The following AARSD1 variants were observed in gnomAD, a reference collection of about 807,000 sequenced individuals.
AARSD1 encodes the protein alanyl-tRNA synthetase domain containing 1, also known as alanyl-tRNA editing protein Aarsd1.
In AARSD1, 44 loss-of-function variants were observed where a neutral mutation model predicts 48.7. That is an observed-to-expected ratio of 0.90 (90% CI 0.71 to 1.16). AARSD1 has a LOEUF of 1.16. AARSD1 is among the 50% of genes most tolerant of loss of function. The pLI, the probability that AARSD1 is intolerant of heterozygous loss-of-function variation, is 0.00. For missense variants in AARSD1, 511 were observed against 523.1 expected, an observed-to-expected ratio of 0.98 and a Z score of 0.23; for synonymous variants, 189 against 194.9, an observed-to-expected ratio of 0.97 and a Z score of 0.25.
intron 3 of AARSD1, 79 bp from the exon 4 acceptor site, chr17:42,957,274 A>G: frequency 1.3e-6 from 2 of 1,570,846 alleles, no homozygotes. Flanking sequence ...AGCTACAATG[A>G]TAAAAGCACA....
intron 2 of AARSD1, among the ~76,000 whole-genome samples, chr17:42,963,871 C>G (rs574568055): frequency 2.6e-5 from 4 of 152,102 alleles, no homozygotes; most frequent in Non-Finnish European, 4.4e-5. Flanking sequence ...ATAAACATTC[C>G]ACGTATATAA....
At chr17:42,953,924 GAAAGC>G in intron 9 of AARSD1, 146 bp from the exon 10 acceptor site, 1 of 995,540 alleles carries the variant, frequency 1.0e-6, no homozygotes. Context: ...AGTACTGGCT[GAAAGC>G]CAGCAAGCTG....
chr17:42,951,879 AGAACAG>A lies in AARSD1; in HGVS notation c.1018_1023del (p.Phe341_Leu342del). ...CCACCTTTCTCATCGCCCACAGTTA[AGAACAG>A]GAGGGTCTCCTAGGAGGTAAGACAA... is the stretch of plus-strand genomic sequence containing the variant. On this transcript the variant is annotated inframe_deletion, in exon 11 of 12. Coordinates refer to ENST00000427569, the MANE Select transcript of AARSD1 (RefSeq NM_001261434.2). The A allele has an allele frequency of 1.9e-6, 3 of 1,614,098 alleles. No homozygotes were observed. The African/African-American group carries it at 4.0e-5, about 22-fold the overall frequency.
chr17:42,959,079 C>T (rs1383150256), intron 3 of AARSD1, among the ~76,000 whole-genome samples: 1 of 146,272 alleles, frequency 6.8e-6, no homozygotes, highest in African/African-American at 2.5e-5. Context: ...TGCCCGTAAT[C>T]CCAGCTACTC....
Position 42,964,204 on chromosome 17 carries a change from C to T in AARSD1, c.73G>A (p.Glu25Lys), listed in dbSNP as rs759107155. 2 of 1,614,208 alleles carry T rather than the reference C, an allele frequency of 1.2e-6. No homozygotes were observed. Among genetic ancestry groups the T allele is most frequent in the Non-Finnish European group, 1.7e-6 (2 of 1,180,042 alleles). Residue 25 changes from glutamate to lysine, a missense_variant, in exon 2 of 12, where the codon GAG becomes AAG. By Grantham distance (56) the Glu-to-Lys change is moderately conservative. Coordinates refer to ENST00000427569, the MANE Select transcript of AARSD1 (RefSeq NM_001261434.2). ...TTTVVSCCPA[E>K]LQTEGSNGKK... Reference sequence around the variant, plus strand: ...CCGTTGCTCCCTTCAGTCTGCAGCTCCGCGGGACAGCAGGAGACCACGGTG... The same window carrying T: ...CCGTTGCTCCCTTCAGTCTGCAGCTTCGCGGGACAGCAGGAGACCACGGTG...
chr17:42,955,374 G>A (rs2049534059), intron 7 of AARSD1, 150 bp from the exon 8 acceptor site: 1 of 789,620 alleles, frequency 1.3e-6, no homozygotes, highest in Non-Finnish European at 1.9e-6. Flanking sequence ...GCAACTGGGA[G>A]AAAACATACA....
At chr17:42,958,676 T>G (rs1267339898) in intron 3 of AARSD1, among the ~76,000 whole-genome samples, 1 of 150,150 alleles carries the variant, frequency 6.7e-6, no homozygotes. Context: ...GTTCAAGCGA[T>G]TCTCCTGCCT....
chr17:42,951,744 T>G, intron 11 of AARSD1, 56 bp downstream of exon 11: 2 of 1,576,066 alleles, frequency 1.3e-6, no homozygotes, highest in South Asian at 2.2e-5. Context: ...AGTAAAGGAA[T>G]GTATTTGTAG....
In AARSD1 at chr17:42,956,245, T is replaced by G. The variant is rs1382990985; in HGVS notation, c.622A>C (p.Met208Leu). 3.7e-6 allele frequency: 6 copies of G among 1,614,136 alleles called. No individual in the cohort carries two copies. Among genetic ancestry groups the G allele is most frequent in the Non-Finnish European group, 4.2e-6 (5 of 1,180,034 alleles). The change falls in exon 6 of 12, where the codon ATG becomes CTG. Residue 208 changes from methionine to leucine, a missense_variant. Coordinates refer to ENST00000427569, the MANE Select transcript of AARSD1 (RefSeq NM_001261434.2). ...VVNIEGVDSN[M>L]CCGTHVSNLS... is the part of the protein sequence containing the mutation. Reference sequence around the variant, plus strand: ...TTGCTCACATGGGTCCCACAGCACATGTTGGAATCAACGCCCTCGATGTTA... The same window carrying G: ...TTGCTCACATGGGTCCCACAGCACAGGTTGGAATCAACGCCCTCGATGTTA...
Position 42,950,684 on chromosome 17 carries a change from C to T in AARSD1, c.1148G>A (p.Arg383His), listed in dbSNP as rs748881742. The T allele has an allele frequency of 5.0e-5, 80 of 1,613,834 alleles. No individual in the cohort carries two copies. The highest frequency in any genetic ancestry group is 2.2e-4 in the Admixed American group (13 of 59,956). Reference sequence around the variant, plus strand: ...CATCTTGGTGGCCTTGCCCTGAAAACGGCCTTTCTTCCCTGCTCCTTTGCC... The same window carrying T: ...CATCTTGGTGGCCTTGCCCTGAAAATGGCCTTTCTTCCCTGCTCCTTTGCC... The part of the protein sequence containing the change: ...LEGKGAGKKG[R>H]FQGKATKMSR... Residue 383 changes from arginine (R) to histidine (H), a missense_variant, in exon 12 of 12, where the codon CGT becomes CAT. Physicochemically the swap from Arg to His is conservative, Grantham distance 29. Coordinates refer to ENST00000427569, the MANE Select transcript of AARSD1 (RefSeq NM_001261434.2).
chr17:42,951,844 G>A lies in AARSD1; in HGVS notation c.1059C>T (p.Phe353=), dbSNP rs1211406697. 6.2e-7 allele frequency: 1 copy of A among 1,614,052 alleles called. No individual in the cohort carries two copies. Among genetic ancestry groups the A allele is most frequent in the Non-Finnish European group, 8.5e-7 (1 of 1,180,022 alleles). Residue 353 remains phenylalanine, a synonymous_variant, in exon 11 of 12, where the codon TTC becomes TTT. Coordinates refer to ENST00000427569, the MANE Select transcript of AARSD1 (RefSeq NM_001261434.2). Reference sequence around the variant, plus strand: ...CAGACGCAGGTGGCCCTGCCAGTAAGAAGAGTCCACCACCTTTCTCATCGC... The same window carrying A: ...CAGACGCAGGTGGCCCTGCCAGTAAAAAGAGTCCACCACCTTTCTCATCGC... ...TVGDEKGGGL[F]LLAGPPASVE...
Position 42,963,982 on chromosome 17 carries a change from T to C in AARSD1, c.171+124A>G, listed in dbSNP as rs2049675207. The C allele has an allele frequency of 2.0e-6, 3 of 1,493,422 alleles. No homozygotes were observed. The East Asian group carries it at 6.8e-5, about 34-fold the overall frequency. 92.5% of individuals were successfully genotyped at this position (1,493,422 alleles called of 1,614,324 possible). A position where few individuals can be genotyped will look rare whatever the true frequency, so the allele number is the denominator to read the frequency against. ...TGCTGATAAATACTCATTAAATGAATAACAAAATGAATTAAACTAAAGCTC... is the reference window on the plus strand; with the variant it reads ...TGCTGATAAATACTCATTAAATGAACAACAAAATGAATTAAACTAAAGCTC... On this transcript the variant is annotated intron_variant, in intron 2 of 11. Coordinates refer to ENST00000427569, the MANE Select transcript of AARSD1 (RefSeq NM_001261434.2).
At chr17:42,960,392 C>T (rs2049618296) in intron 3 of AARSD1, among the ~76,000 whole-genome samples, 1 of 151,946 alleles carries the variant, frequency 6.6e-6, no homozygotes, top group Admixed American at 6.6e-5. Context: ...GGAGCTGGGA[C>T]TAGGATGACA....
chr17:42,954,407 A>G (rs2049519247), intron 9 of AARSD1, among the ~76,000 whole-genome samples: 1 of 151,876 alleles, frequency 6.6e-6, no homozygotes, highest in Non-Finnish European at 1.5e-5. Flanking sequence ...TATCAAACCC[A>G]GGAGGCCTGG....
chr17:42,964,213 A>G lies in AARSD1; in HGVS notation c.64T>C (p.Cys22Arg). The change falls in exon 2 of 12, where the codon TGT (cysteine) becomes CGT (arginine). Residue 22 changes from cysteine to arginine, a missense_variant. Transcript: ENST00000427569. ...CCTTCAGTCTGCAGCTCCGCGGGAC[A>G]GCAGGAGACCACGGTGGTGGTGAAC... ...REFTTTVVSC[C>R]PAELQTEGSN... 1.2e-6 allele frequency: 2 copies of G among 1,614,224 alleles called. No homozygotes were observed. The highest frequency in any genetic ancestry group is 1.7e-6 in the Non-Finnish European group (2 of 1,180,042).
chr17:42,959,847 A>G (rs2049608574), intron 3 of AARSD1, among the ~76,000 whole-genome samples: 1 of 151,068 alleles, frequency 6.6e-6, no homozygotes, highest in African/African-American at 2.4e-5. Flanking sequence ...TATTTTTAGT[A>G]GAGACAGGGT....
At chr17:42,960,408 T>C (rs891638778) in intron 3 of AARSD1, among the ~76,000 whole-genome samples, 1 of 151,956 alleles carries the variant, frequency 6.6e-6, no homozygotes, top group African/African-American at 2.4e-5. Context: ...TGACAGTGAC[T>C]GTGGAAAGAA....
intron 9 of AARSD1, 111 bp from the exon 10 acceptor site, chr17:42,953,889 G>T: frequency 7.3e-7 from 1 of 1,362,862 alleles, no homozygotes; most frequent in Non-Finnish European, 1.0e-6. Context: ...TACACATAAA[G>T]TCCCATATCC....
chr17:42,956,381 C>T (rs749367409), intron 5 of AARSD1, 23 bp downstream of exon 5: 4 of 1,614,036 alleles, frequency 2.5e-6, no homozygotes, highest in Admixed American at 1.7e-5. Flanking sequence ...CCGCAGAAAC[C>T]ATCCCTCTGG....
Sources: allele counts gnomAD v4.1 joint callset (sites outside exome capture counted in the v4.1 genomes callset), GRCh38; gene constraint gnomAD v4.1.1; transcripts MANE v1.5; gene names NCBI Gene and HGNC (gene_info 2026-07-23, HGNC 2026-07-21).